The following PDE4B variants were observed in gnomAD, a reference collection of about 807,000 sequenced individuals.
PDE4B encodes the protein phosphodiesterase 4B, also known as 3',5'-cyclic-AMP phosphodiesterase 4B.
Under a neutral mutation model 82.2 loss-of-function variants are expected in PDE4B, and 20 were observed. The observed-to-expected ratio is 0.24, with a 90% CI of 0.17 to 0.35. The LOEUF (loss-of-function observed/expected upper bound fraction) is 0.35. Ranked by LOEUF, PDE4B falls within the 10% of genes least tolerant of loss-of-function variation. The probability of loss-of-function intolerance (pLI) is 1.00; values close to 1 mark genes in which losing one functional copy is unlikely to be tolerated. For synonymous variants in PDE4B, 320 were observed against 318.9 expected (o/e 1.00, Z -0.04); for missense variants, 655 against 907.2 (o/e 0.72, Z 3.57).
intron 3 of PDE4B, among the ~76,000 whole-genome samples, chr1:66,090,615 TAA>T (rs1491322231): frequency 0.1 from 3,887 of 38,412 alleles, 343 homozygotes; most frequent in East Asian, 0.47. Context: ...TATATGTATA[TAA>T]TATATGTGTG....
intron 3 of PDE4B, among the ~76,000 whole-genome samples, chr1:66,146,201 T>TTTTTA (rs869230533): frequency 8.1e-6 from 1 of 123,880 alleles, no homozygotes; most frequent in Non-Finnish European, 1.7e-5. Flanking sequence ...TTTTTTTTTT[T>TTTTTA]GAGACGGAGT....
At chr1:66,189,512 C>T (rs1647539069) in intron 3 of PDE4B, among the ~76,000 whole-genome samples, 1 of 152,176 alleles carries the variant, frequency 6.6e-6, no homozygotes, top group African/African-American at 2.4e-5. Flanking sequence ...TCCCATATTT[C>T]TTGGAGGCTT....
intron 1 of PDE4B, among the ~76,000 whole-genome samples, chr1:65,818,685 C>CACACAT (rs141035147): frequency 9.1e-4 from 131 of 143,776 alleles, no homozygotes; most frequent in African/African-American, 3.1e-3. Context: ...CACACACACA[C>CACACAT]ATATATATAT....
At chr1:66,332,283 G>T in intron 7 of PDE4B, 1 of 1,509,670 alleles carries the variant, frequency 6.6e-7, no homozygotes, top group East Asian at 2.4e-5. Context: ...ACCTCATCCA[G>T]GCGGGGGGTT....
intron 1 of PDE4B, among the ~76,000 whole-genome samples, chr1:65,804,448 T>G (rs981415337): frequency 5.3e-5 from 8 of 152,192 alleles, no homozygotes; most frequent in Admixed American, 4.6e-4. Flanking sequence ...CCCCAAGTCA[T>G]TAGAAAGTCT....
chr1:66,367,626 C>T, intron 13 of PDE4B, 70 bp from the exon 14 acceptor site: 1 of 1,321,290 alleles, frequency 7.6e-7, no homozygotes, highest in Admixed American at 2.0e-5. Context: ...TCTGATTTCA[C>T]TTTGAGATAA....
At chr1:66,133,931 A>G (rs1646002340) in intron 3 of PDE4B, among the ~76,000 whole-genome samples, 1 of 152,070 alleles carries the variant, frequency 6.6e-6, no homozygotes, top group Non-Finnish European at 1.5e-5. Flanking sequence ...CTCCCCTGGG[A>G]GACAAGTGAG....
At chr1:66,215,042 GA>G (rs552305771) in intron 3 of PDE4B, among the ~76,000 whole-genome samples, 78 of 152,236 alleles carry the variant, frequency 5.1e-4, no homozygotes, top group Non-Finnish European at 9.9e-4. Context: ...ATAGGCAGTA[GA>G]AACTTGCTAT....
chr1:66,316,060 A>G (rs1017600500), intron 7 of PDE4B, among the ~76,000 whole-genome samples: 1 of 152,216 alleles, frequency 6.6e-6, no homozygotes, highest in African/African-American at 2.4e-5. Context: ...AATCCAAACT[A>G]CAACTATTTG....
At chr1:66,141,714 C>G (rs1646175930) in intron 3 of PDE4B, among the ~76,000 whole-genome samples, 1 of 152,040 alleles carries the variant, frequency 6.6e-6, no homozygotes, top group Non-Finnish European at 1.5e-5. Context: ...GGTCAGTTTC[C>G]TTTATGACAA....
At chr1:65,892,190 A>G (rs1569581622) in intron 1 of PDE4B, among the ~76,000 whole-genome samples, 1 of 152,214 alleles carries the variant, frequency 6.6e-6, no homozygotes, top group East Asian at 1.9e-4. Flanking sequence ...TGGTGAGGAA[A>G]CTGAGGCCTG....
chr1:66,145,191 CA>C (rs1246340782), intron 3 of PDE4B, among the ~76,000 whole-genome samples: 3 of 152,080 alleles, frequency 2.0e-5, no homozygotes, highest in Non-Finnish European at 4.4e-5. Context: ...GATGAGAAAA[CA>C]AAGTAGGGTG....
chr1:66,198,597 TTTTTATTTTA>T (rs1265402489), intron 3 of PDE4B, among the ~76,000 whole-genome samples: 1 of 152,136 alleles, frequency 6.6e-6, no homozygotes, highest in Non-Finnish European at 1.5e-5. Context: ...TTCTCCTGTG[TTTTTATTTTA>T]TTTTATTTTA....
chr1:66,237,608 G>A (rs1172193986), intron 3 of PDE4B, among the ~76,000 whole-genome samples: 2 of 152,062 alleles, frequency 1.3e-5, no homozygotes, highest in African/African-American at 2.4e-5. Flanking sequence ...GAGTAATAAC[G>A]ACAAAAATGC....
chr1:66,064,379 A>G (rs2100906076), intron 3 of PDE4B, among the ~76,000 whole-genome samples: 1 of 152,040 alleles, frequency 6.6e-6, no homozygotes, highest in East Asian at 1.9e-4. Flanking sequence ...GGGCCACTCA[A>G]TGGAGCTGTG....
intron 3 of PDE4B, among the ~76,000 whole-genome samples, chr1:65,928,423 G>C (rs545354017): frequency 6.6e-6 from 1 of 152,158 alleles, no homozygotes; most frequent in Non-Finnish European, 1.5e-5. Flanking sequence ...ACACGAGTCA[G>C]ACCATTCTGA....
chr1:66,257,094 T>C (rs1654293965), intron 4 of PDE4B, among the ~76,000 whole-genome samples: 1 of 152,148 alleles, frequency 6.6e-6, no homozygotes, highest in Non-Finnish European at 1.5e-5. Flanking sequence ...AGCCATACAC[T>C]CCTATTAAAA....
chr1:66,160,112 A>AG (rs1646581341), intron 3 of PDE4B, among the ~76,000 whole-genome samples: 1 of 152,194 alleles, frequency 6.6e-6, no homozygotes, highest in African/African-American at 2.4e-5. Flanking sequence ...GGGTGTTAAA[A>AG]GGGGAAAATT....
intron 3 of PDE4B, among the ~76,000 whole-genome samples, chr1:66,024,600 T>G (rs935119893): frequency 2.0e-5 from 3 of 152,160 alleles, no homozygotes; most frequent in Admixed American, 6.6e-5. Context: ...GGTCATATAA[T>G]ATATGCAAGG....
Sources: gnomAD v4.1 joint callset for allele counts (sites outside exome capture counted in the v4.1 genomes callset) on GRCh38, gnomAD v4.1.1 for gene constraint, MANE v1.5 for transcripts, NCBI Gene and HGNC (gene_info 2026-07-23, HGNC 2026-07-21) for gene names.